The following PDE4D variants were observed in gnomAD, a reference collection of about 807,000 sequenced individuals.
PDE4D encodes the protein 3',5'-cyclic-AMP phosphodiesterase 4D.
A neutral mutation model predicts 87.4 loss-of-function variants in PDE4D; 24 were observed. The observed-to-expected ratio is 0.27, with a 90% confidence interval of 0.20 to 0.39. The LOEUF is 0.39. Among genes scored for constraint, PDE4D ranks in the 10% least tolerant of loss-of-function variants. PDE4D has a pLI of 1.00. For synonymous variants in PDE4D, 384 were observed against 383.2 expected, an observed-to-expected ratio of 1.00 and a Z score of -0.02; for missense variants, 714 against 1,041.0, an observed-to-expected ratio of 0.69 and a Z score of 4.32.
At chr5:60,364,416 T>C (rs1190093895) in intron 1 of PDE4D, among the ~76,000 whole-genome samples, 3 of 152,146 alleles carry the variant, frequency 2.0e-5, no homozygotes, top group Non-Finnish European at 4.4e-5. Flanking sequence ...CAGAATTTCT[T>C]TAGGAAAGCA....
chr5:59,468,199 C>T (rs1023808929), intron 1 of PDE4D, among the ~76,000 whole-genome samples: 4 of 152,006 alleles, frequency 2.6e-5, no homozygotes, highest in East Asian at 1.9e-4. Flanking sequence ...TTTACTTGCA[C>T]GGCAACAATC....
chr5:59,400,288 G>T (rs941791173), intron 1 of PDE4D, among the ~76,000 whole-genome samples: 1 of 101,576 alleles, frequency 9.8e-6, no homozygotes, highest in African/African-American at 4.8e-5. Flanking sequence ...GCACATGTAT[G>T]TTTATTGCGG....
chr5:59,834,577 G>A (rs1006466544), intron 1 of PDE4D, among the ~76,000 whole-genome samples: 12 of 152,080 alleles, frequency 7.9e-5, no homozygotes, highest in East Asian at 7.8e-4. Flanking sequence ...TCACCAACCC[G>A]TGGATAATTA....
chr5:59,854,696 A>G (rs1233648226), intron 1 of PDE4D, among the ~76,000 whole-genome samples: 1 of 152,108 alleles, frequency 6.6e-6, no homozygotes, highest in Admixed American at 6.6e-5. Flanking sequence ...TCCCAGTAGT[A>G]TTATTTAAAA....
intron 2 of PDE4D, among the ~76,000 whole-genome samples, chr5:60,108,883 G>A (rs1425689545): frequency 6.6e-6 from 1 of 151,950 alleles, no homozygotes; most frequent in African/African-American, 2.4e-5. Flanking sequence ...AGACTTAAAT[G>A]TTAGACCTAA....
intron 1 of PDE4D, among the ~76,000 whole-genome samples, chr5:60,370,958 C>G (rs1484481131): frequency 1.3e-5 from 2 of 152,172 alleles, no homozygotes; most frequent in Admixed American, 6.5e-5. Context: ...TTATCATCAA[C>G]CTGCTGCATT....
intron 1 of PDE4D, among the ~76,000 whole-genome samples, chr5:60,277,189 G>A (rs891469621): frequency 2.0e-5 from 3 of 152,046 alleles, no homozygotes; most frequent in South Asian, 2.1e-4. Context: ...GGGGAAAAGC[G>A]GATTTTCCTC....
At chr5:59,081,484 A>G (rs1766742480) in intron 5 of PDE4D, among the ~76,000 whole-genome samples, 1 of 148,024 alleles carries the variant, frequency 6.8e-6, no homozygotes, top group Admixed American at 6.9e-5. Context: ...TTGCTATCAA[A>G]TATTTTGAAC....
chr5:60,499,219 A>G (rs945171025), intron 1 of PDE4D, among the ~76,000 whole-genome samples: 1 of 152,228 alleles, frequency 6.6e-6, no homozygotes, highest in African/African-American at 2.4e-5. Flanking sequence ...CTTAGAACAC[A>G]ACAGTGGTGA....
intron 1 of PDE4D, among the ~76,000 whole-genome samples, chr5:60,378,037 T>C (rs1215822229): frequency 6.6e-6 from 1 of 152,228 alleles, no homozygotes. Context: ...AATAGAACTA[T>C]ATTGTTTTGT....
chr5:59,105,285 A>G (rs189374025), intron 5 of PDE4D, among the ~76,000 whole-genome samples: 21 of 152,336 alleles, frequency 1.4e-4, no homozygotes, highest in Admixed American at 5.9e-4. Flanking sequence ...AATTTTTCCA[A>G]TGTAATTCAG....
chr5:60,272,031 A>G (rs184655664), intron 1 of PDE4D, among the ~76,000 whole-genome samples: 1 of 152,338 alleles, frequency 6.6e-6, no homozygotes, highest in East Asian at 1.9e-4. Flanking sequence ...TAAGCATACT[A>G]GCTCCCAAGA....
At chr5:59,577,580 T>A (rs1583197236) in intron 1 of PDE4D, among the ~76,000 whole-genome samples, 1 of 152,116 alleles carries the variant, frequency 6.6e-6, no homozygotes, top group African/African-American at 2.4e-5. Context: ...ATATGGAGAC[T>A]CAAGGGAGAG....
intron 1 of PDE4D, among the ~76,000 whole-genome samples, chr5:60,195,456 T>C (rs1261863903): frequency 6.6e-6 from 1 of 151,768 alleles, no homozygotes; most frequent in Admixed American, 6.6e-5. Flanking sequence ...GAAAAGCACA[T>C]TTTGTCTCCA....
At chr5:58,986,020 A>C (rs1309293762) in intron 11 of PDE4D, among the ~76,000 whole-genome samples, 1 of 144,236 alleles carries the variant, frequency 6.9e-6, no homozygotes, top group Non-Finnish European at 1.5e-5. Flanking sequence ...CTCAGGAATA[A>C]CACAGCCTCA....
intron 3 of PDE4D, among the ~76,000 whole-genome samples, chr5:59,981,001 C>T (rs576582150): frequency 1.2e-4 from 18 of 152,144 alleles, no homozygotes; most frequent in Non-Finnish European, 2.5e-4. Context: ...CCTGTAGTCC[C>T]AGCACTTTGG....
intron 1 of PDE4D, among the ~76,000 whole-genome samples, chr5:59,575,069 A>G (rs1313264443): frequency 6.6e-6 from 1 of 152,206 alleles, no homozygotes; most frequent in African/African-American, 2.4e-5. Context: ...CATTTCTACA[A>G]TGAGACTAGA....
At chr5:59,400,758 C>A (rs1790459228) in intron 1 of PDE4D, among the ~76,000 whole-genome samples, 2 of 151,684 alleles carry the variant, frequency 1.3e-5, no homozygotes, top group African/African-American at 4.8e-5. Context: ...AAAAATAAAT[C>A]TTTACAACAT....
At chr5:59,263,666 C>A (rs1387634934) in intron 1 of PDE4D, among the ~76,000 whole-genome samples, 1 of 151,940 alleles carries the variant, frequency 6.6e-6, no homozygotes, top group Non-Finnish European at 1.5e-5. Flanking sequence ...TCCGCATCAA[C>A]AAGGGATCAT....
Sources: gnomAD v4.1 joint callset for allele counts (sites outside exome capture counted in the v4.1 genomes callset) on GRCh38, gnomAD v4.1.1 for gene constraint, MANE v1.5 for transcripts, NCBI Gene and HGNC (gene_info 2026-07-23, HGNC 2026-07-21) for gene names.